Variants in TOX2 observed in about 807,000 individuals in gnomAD.
TOX2 encodes granulosa cell HMG box 1.
TOX2 carries 15 observed loss-of-function variants against 47.4 expected under a neutral mutation model. The observed-to-expected ratio is 0.32, with a 90% CI of 0.21 to 0.49. TOX2 has a LOEUF of 0.49. Ranked by LOEUF, TOX2 falls within the 20% of genes least tolerant of loss-of-function variation. The pLI is 0.99. For synonymous variants in TOX2, 290 were observed against 296.6 expected (o/e 0.98, Z 0.23); for missense variants, 622 against 673.1 (o/e 0.92, Z 0.84).
chr20:44,065,644 G>C (rs1380366255), intron 6 of TOX2, 68 bp from the exon 7 acceptor site: 9 of 1,515,020 alleles, frequency 5.9e-6, no homozygotes, highest in Non-Finnish European at 8.0e-6. Flanking sequence ...GAGCCTCCTG[G>C]CCTCACAGCC....
chr20:44,056,570 C>A (rs1020411073), intron 5 of TOX2, among the ~76,000 whole-genome samples: 1 of 152,152 alleles, frequency 6.6e-6, no homozygotes, highest in African/African-American at 2.4e-5. Flanking sequence ...AGAGTCCCAG[C>A]CCCTGTGTCG....
rs2071801674 is a variant in TOX2 at position 44,065,708 on chromosome 20, C to T, written c.961-4C>T. ...TCCAGTGACTGATATCTGTCTCCTT[C>T]CAGAGCTCCCCAGATCAAGGTGAGA... On this transcript the variant is annotated splice_polypyrimidine_tract_variant and splice_region_variant and intron_variant, in intron 6 of 8. Coordinates refer to ENST00000341197, the MANE Select transcript of TOX2 (RefSeq NM_001098797.2). 6.4e-7 allele frequency: 1 copy of T among 1,571,704 alleles called. No individual in the cohort carries two copies. The highest frequency in any genetic ancestry group is 1.7e-5 in the Admixed American group (1 of 57,886).
chr20:44,017,548 G>A (rs951749769), intron 3 of TOX2, among the ~76,000 whole-genome samples: 4 of 152,158 alleles, frequency 2.6e-5, no homozygotes, highest in Admixed American at 2.6e-4. Context: ...GGGGCCAGAT[G>A]CTTCACCTTG....
chr20:44,063,787 TACAC>T (rs61481919), intron 5 of TOX2, among the ~76,000 whole-genome samples: 5 of 133,968 alleles, frequency 3.7e-5, no homozygotes, highest in East Asian at 2.3e-4. Context: ...CATATATATG[TACAC>T]ACACACACAC....
chr20:43,914,912 C>T lies in TOX2; in HGVS notation c.21C>T (p.Pro7=). 5 of 1,147,368 alleles carry T rather than the reference C, an allele frequency of 4.4e-6. No individual in the cohort carries two copies. Among genetic ancestry groups the T allele is most frequent in the Non-Finnish European group, 5.3e-6 (5 of 936,550 alleles). The allele number at this position is 1,147,368 out of a possible 1,614,324, so 71.1% of individuals were successfully genotyped here. A position where few individuals can be genotyped will look rare whatever the true frequency, so the allele number is the denominator to read the frequency against. Residue 7 remains proline, a synonymous_variant, in exon 1 of 9, where the codon CCC becomes CCT. Transcript: ENST00000341197. This position sits in a 1 kb window ranked among gnomAD's most constrained non-coding sequence, Gnocchi z 4.5. MDVRLY[P]SAPAVGARPG... is the part of the protein sequence containing the mutation. ...CCGCCATGGACGTCCGCCTGTACCC[C>T]TCGGCGCCCGCGGTGGGCGCGCGGC...
At chr20:44,024,427 C>A (rs554550122) in intron 3 of TOX2, among the ~76,000 whole-genome samples, 1 of 150,694 alleles carries the variant, frequency 6.6e-6, no homozygotes, top group Non-Finnish European at 1.5e-5. Context: ...TCCCTTCTTT[C>A]TTTTTGTAGA....
At position 44,066,021 on chromosome 20, in the gene TOX2, TCCCCAGCC is replaced by T; in HGVS notation, c.1282_1289del (p.Gln428CysfsTer29). On this transcript the variant is annotated frameshift_variant, in exon 7 of 9. Coordinates refer to ENST00000341197, the MANE Select transcript of TOX2 (RefSeq NM_001098797.2). LOFTEE classifies it high-confidence loss of function. ...CCTCCTCAGTCCACCTGTTAGCATG[TCCCCAGCC>T]CCCCAGCCCCCTGTCCTGCCCACCC... 1.2e-6 allele frequency: 2 copies of T among 1,609,122 alleles called. No homozygotes were observed. Among genetic ancestry groups the T allele is most frequent in the South Asian group, 1.1e-5 (1 of 90,514 alleles).
At chr20:43,934,798 TTGTGTGTG>T (rs148972789) in intron 1 of TOX2, among the ~76,000 whole-genome samples, 5 of 147,746 alleles carry the variant, frequency 3.4e-5, no homozygotes, top group African/African-American at 5.0e-5. Flanking sequence ...GTGTGTGTGT[TTGTGTGTG>T]TGTGTGTGTG....
intron 8 of TOX2, among the ~76,000 whole-genome samples, chr20:44,067,433 C>G (rs558725237): frequency 6.6e-6 from 1 of 152,076 alleles, no homozygotes; most frequent in Non-Finnish European, 1.5e-5. Context: ...TGGGCTGCCC[C>G]GGGGTGAGTG....
intron 2 of TOX2, among the ~76,000 whole-genome samples, chr20:43,981,374 T>C (rs1569059768): frequency 6.6e-6 from 1 of 152,242 alleles, no homozygotes; most frequent in Non-Finnish European, 1.5e-5. Flanking sequence ...CTAAAAAAGA[T>C]GTAAAACAGT....
rs143981680 is a variant in TOX2 at position 43,991,614 on chromosome 20, CATTATTATTATTATTATTATT to C, written c.166-14908_166-14888del. Reference sequence around the variant, plus strand: ...CCTAGTGAAGGGGACAGGCAATAATCATTATTATTATTATTATTATTATTATTATTATTATTATTATTATTT... The same window carrying C: ...CCTAGTGAAGGGGACAGGCAATAATCATTATTATTATTATTATTATTATTT... On this transcript the variant is annotated intron_variant, in intron 2 of 8. Transcript: ENST00000341197. Among the ~76,000 whole-genome samples, 727 of 141,700 alleles carry C rather than the reference CATTATTATTATTATTATTATT, an allele frequency of 5.1e-3. 8 individuals are homozygous for C. The highest frequency in any genetic ancestry group is 0.018 in the African/African-American group (683 of 38,648). The allele number at this position is 141,700 out of a possible 152,430, so 93.0% of individuals were successfully genotyped here.
intron 3 of TOX2, among the ~76,000 whole-genome samples, chr20:44,046,308 C>T (rs1359169639): frequency 6.6e-6 from 1 of 152,116 alleles, no homozygotes; most frequent in Non-Finnish European, 1.5e-5. Context: ...AATAACTTCA[C>T]GTTAGTGTGT....
chr20:43,954,101 A>C (rs747489490), intron 1 of TOX2, among the ~76,000 whole-genome samples: 11 of 152,162 alleles, frequency 7.2e-5, no homozygotes, highest in Non-Finnish European at 1.6e-4. Context: ...ATGAAATCCA[A>C]GTGCCTTATG....
At chr20:43,965,744 C>T (rs73290612) in intron 1 of TOX2, among the ~76,000 whole-genome samples, 2,299 of 152,264 alleles carry the variant, frequency 0.015, 45 homozygotes, top group African/African-American at 0.052. Context: ...ATCTTAGACC[C>T]AGGACCAAGA....
Position 44,026,214 on chromosome 20 carries a change from G to A in TOX2, c.411+19422G>A, listed in dbSNP as rs73292474. On this transcript the variant is annotated intron_variant, in intron 3 of 8. Transcript: ENST00000341197. Reference sequence around the variant, plus strand: ...AACCCAAATGCCCATCGATCGAGTGGATAAAGAAACTGTGATATATATATA... The same window carrying A: ...AACCCAAATGCCCATCGATCGAGTGAATAAAGAAACTGTGATATATATATA... Among the ~76,000 whole-genome samples the A allele has an allele frequency of 4.0e-3, 305 of 75,720 alleles. 4 individuals carry two copies. The highest frequency in any genetic ancestry group is 0.018 in the African/African-American group (284 of 16,030). The allele number at this position is 75,720 out of a possible 152,430, so 49.7% of individuals were successfully genotyped here. A position where few individuals can be genotyped will look rare whatever the true frequency, so the allele number is the denominator to read the frequency against.
At chr20:43,954,628 C>T (rs143896402) in intron 1 of TOX2, among the ~76,000 whole-genome samples, 1 of 152,210 alleles carries the variant, frequency 6.6e-6, no homozygotes, top group Non-Finnish European at 1.5e-5. Flanking sequence ...GGAGGACAGA[C>T]ACCAGGCAGG....
intron 2 of TOX2, among the ~76,000 whole-genome samples, chr20:44,003,744 CAG>C (rs1485179045): frequency 6.6e-6 from 1 of 152,076 alleles, no homozygotes; most frequent in African/African-American, 2.4e-5. Flanking sequence ...ACGGGAGGGA[CAG>C]TGTGTGGCAG....
rs1227957435 is a variant in TOX2, at chr20:43,915,506, C to A, written c.99+516C>A. On this transcript the variant is annotated intron_variant, in intron 1 of 8. Transcript: ENST00000341197. The surrounding 1 kb of genome is among the most constrained non-coding windows in gnomAD (Gnocchi z 7.1). Reference sequence around the variant, plus strand: ...ACAAAGAAGTCGCCCGACAGTCACACTCTCGCAGCCACAACGCCTCACCCA... The same window carrying A: ...ACAAAGAAGTCGCCCGACAGTCACAATCTCGCAGCCACAACGCCTCACCCA... 6.6e-6 allele frequency among the ~76,000 whole-genome samples: 1 copy of A among 152,200 alleles called. No homozygotes were observed. Among genetic ancestry groups the A allele is most frequent in the African/African-American group, 2.4e-5 (1 of 41,434 alleles).
rs1262237997 is a variant in TOX2 at position 44,066,125 on chromosome 20, G to C, written c.1356+18G>C. 1.3e-6 allele frequency: 2 copies of C among 1,516,018 alleles called. No individual in the cohort carries two copies. The highest frequency in any genetic ancestry group is 2.1e-5 in the Admixed American group (1 of 48,426). 93.9% of individuals were successfully genotyped at this position (1,516,018 alleles called of 1,614,324 possible). A position where few individuals can be genotyped will look rare whatever the true frequency, so the allele number is the denominator to read the frequency against. ...GGCCACAGGTAAGCAGGGAAGAGCA[G>C]AACAGCCCTTCTGTGACCGTGTGGG... On this transcript the variant is annotated intron_variant, in intron 7 of 8. Transcript: ENST00000341197.
Sources: allele counts gnomAD v4.1 joint callset (sites outside exome capture counted in the v4.1 genomes callset), GRCh38; gene constraint gnomAD v4.1.1; non-coding constraint Gnocchi (gnomAD v3.1); transcripts MANE v1.5; gene names NCBI Gene and HGNC (gene_info 2026-07-23, HGNC 2026-07-21).